HERC2: variants seen among roughly 807,000 people sequenced by gnomAD.
HERC2 encodes the protein E3 ubiquitin-protein ligase HERC2.
Under a neutral mutation model 537.7 loss-of-function variants are expected in HERC2, and 102 were observed. The observed-to-expected ratio is 0.19, with a 90% confidence interval of 0.16 to 0.22. HERC2 has a LOEUF of 0.22. Among genes scored for constraint, HERC2 ranks in the 10% least tolerant of loss-of-function variants. The probability of loss-of-function intolerance (pLI) is 1.00; values close to 1 mark genes in which losing one functional copy is unlikely to be tolerated. For synonymous variants in HERC2, 2,224 were observed against 2,466.2 expected, an observed-to-expected ratio of 0.90 and a Z score of 2.91; for missense variants, 4,236 against 6,198.2, an observed-to-expected ratio of 0.68 and a Z score of 10.63.
intron 20 of HERC2, among the ~76,000 whole-genome samples, chr15:28,253,235 T>A (rs931934630): frequency 1.2e-4 from 19 of 152,236 alleles, no homozygotes; most frequent in Non-Finnish European, 2.6e-4. Flanking sequence ...GACTCTGACT[T>A]CTTCTTCCCA....
chr15:28,122,195 T>C lies in HERC2; in HGVS notation c.13189-766A>G, dbSNP rs562609081. Reference sequence around the variant, plus strand: ...GAAGACAGCAGGGCGTGGCCAAACATCAGCACCACGGTGAGGACCCAGCCG... The same window carrying C: ...GAAGACAGCAGGGCGTGGCCAAACACCAGCACCACGGTGAGGACCCAGCCG... On this transcript the variant is annotated intron_variant, in intron 85 of 92. Transcript: ENST00000261609. The surrounding 1 kb of genome is among the most constrained non-coding windows in gnomAD (Gnocchi z 4.1). Among the ~76,000 whole-genome samples the C allele has an allele frequency of 6.6e-6, 1 of 152,170 alleles. No individual in the cohort carries two copies. The highest frequency in any genetic ancestry group is 2.4e-5 in the African/African-American group (1 of 41,522).
chr15:28,116,216 CTTTT>C (rs751814803), intron 88 of HERC2, among the ~76,000 whole-genome samples: 1 of 110,874 alleles, frequency 9.0e-6, no homozygotes, highest in Non-Finnish European at 1.9e-5. Context: ...AAAGTCTTTT[CTTTT>C]TCTTTTTTTT....
Position 28,111,756 on chromosome 15 carries a change from C to T in HERC2, c.*7G>A, listed in dbSNP as rs756113580. Reference sequence around the variant, plus strand: ...AGGCTCTCATCTCACGAGGACGTTTCCCCATCTTAGTGTCCTGTTAAATAA... The same window carrying T: ...AGGCTCTCATCTCACGAGGACGTTTTCCCATCTTAGTGTCCTGTTAAATAA... On this transcript the variant is annotated 3_prime_UTR_variant, in exon 93 of 93. Coordinates refer to ENST00000261609, the MANE Select transcript of HERC2 (RefSeq NM_004667.6). The T allele has an allele frequency of 6.2e-7, 1 of 1,611,878 alleles. No individual in the cohort carries two copies. The highest frequency in any genetic ancestry group is 8.5e-7 in the Non-Finnish European group (1 of 1,177,972).
chr15:28,138,639 G>A (rs550200249), intron 78 of HERC2, among the ~76,000 whole-genome samples: 26 of 152,310 alleles, frequency 1.7e-4, no homozygotes, highest in African/African-American at 5.3e-4. Flanking sequence ...GTACCTGGTC[G>A]CCCAAGAGCT....
At chr15:28,142,786 A>T in intron 75 of HERC2, 41 bp downstream of exon 75, 1 of 1,528,970 alleles carries the variant, frequency 6.5e-7, no homozygotes, top group South Asian at 1.2e-5. Flanking sequence ...CTTTCAGTCA[A>T]ATAGCTCTAT....
rs528035863 is a variant in HERC2 at position 28,216,991 on chromosome 15, A to C, written c.6029-1189T>G. On this transcript the variant is annotated intron_variant, in intron 38 of 92. Coordinates refer to ENST00000261609, the MANE Select transcript of HERC2 (RefSeq NM_004667.6). ...GTTATAACCTCCCATTCACTGACAC[A>C]AGCAAAATGCTCACATTCACTCACA... Among the ~76,000 whole-genome samples, 6 of 152,180 alleles carry C rather than the reference A, an allele frequency of 3.9e-5. No individual in the cohort carries two copies. In the East Asian group the frequency reaches 1.2e-3, roughly 29 times the overall value.
At chr15:28,245,604 C>T (rs564594214) in intron 23 of HERC2, among the ~76,000 whole-genome samples, 1 of 131,082 alleles carries the variant, frequency 7.6e-6, no homozygotes, top group African/African-American at 3.8e-5. Context: ...CACACACACA[C>T]AGATATATAT....
At chr15:28,253,179 A>ACTGT (rs60188219) in intron 20 of HERC2, among the ~76,000 whole-genome samples, 33,714 of 152,020 alleles carry the variant, frequency 0.22, 7,461 homozygotes, top group African/African-American at 0.56. Context: ...TTTACACAAC[A>ACTGT]CTGACCGTTT....
chr15:28,280,396 T>C, intron 4 of HERC2, 109 bp from the exon 5 acceptor site: 1 of 873,152 alleles, frequency 1.1e-6, no homozygotes, highest in Non-Finnish European at 1.8e-6. Context: ...AGGCATGATA[T>C]GTGGCAATAA....
intron 57 of HERC2, 105 bp downstream of exon 57, chr15:28,182,296 A>G: frequency 1.5e-6 from 1 of 660,280 alleles, no homozygotes; most frequent in Non-Finnish European, 2.6e-6. Context: ...AGTTCGTGTA[A>G]AGAAACAATA....
At chr15:28,115,742 C>CT (rs5811542) in intron 88 of HERC2, among the ~76,000 whole-genome samples, 129,077 of 152,200 alleles carry the variant, frequency 0.85, 58,229 homozygotes, top group Non-Finnish European at 0.99. Context: ...CTAAAAGCCT[C>CT]TAACTCTTCA....
intron 37 of HERC2, 95 bp downstream of exon 37, chr15:28,220,357 A>C: frequency 8.9e-7 from 1 of 1,127,334 alleles, no homozygotes. Flanking sequence ...GTGCGTCCTG[A>C]CATCCCATTC....
rs2075285124 is a variant in HERC2, at chr15:28,257,051, T to G, written c.2517+10A>C. 6.2e-7 allele frequency: 1 copy of G among 1,609,002 alleles called. No homozygotes were observed. Among genetic ancestry groups the G allele is most frequent in the East Asian group, 2.2e-5 (1 of 44,800 alleles). On this transcript the variant is annotated intron_variant, in intron 17 of 92. Coordinates refer to ENST00000261609, the MANE Select transcript of HERC2 (RefSeq NM_004667.6). ...ACAAAAGGAGGAAGAAGAAGGGAAA[T>G]CATGAATACCTGAAGTCGTAGAAGA...
intron 10 of HERC2, among the ~76,000 whole-genome samples, chr15:28,269,904 C>T (rs1182470223): frequency 6.6e-6 from 1 of 152,234 alleles, no homozygotes; most frequent in African/African-American, 2.4e-5. Flanking sequence ...CACACACGTG[C>T]ACACATGGAG....
At chr15:28,272,115 G>T in intron 9 of HERC2, 100 bp downstream of exon 9, 2 of 1,092,508 alleles carry the variant, frequency 1.8e-6, no homozygotes, top group Non-Finnish European at 2.6e-6. Flanking sequence ...ACACACACAC[G>T]CCAGAGAAAA....
intron 4 of HERC2, among the ~76,000 whole-genome samples, chr15:28,282,451 A>C (rs1367846276): frequency 6.6e-6 from 1 of 152,214 alleles, no homozygotes; most frequent in Non-Finnish European, 1.5e-5. Flanking sequence ...TAAATGAAAA[A>C]ATAGAAAGCC....
chr15:28,232,020 G>T lies in HERC2; in HGVS notation c.4675+1126C>A, dbSNP rs190385531. ...CCCAGGCTGAGTTCCTGCATGCCTG[G>T]GTTAAAGGAATCGCAGCAGTGTGAC... is the stretch of plus-strand genomic sequence containing the variant. On this transcript the variant is annotated intron_variant, in intron 30 of 92. Coordinates refer to ENST00000261609, the MANE Select transcript of HERC2 (RefSeq NM_004667.6). Among the ~76,000 whole-genome samples, 76 of 152,158 alleles carry T rather than the reference G, an allele frequency of 5.0e-4. No homozygotes were observed. The East Asian group carries it at 0.01, about 21-fold the overall frequency.
At chr15:28,282,412 T>C (rs2076042445) in intron 4 of HERC2, among the ~76,000 whole-genome samples, 1 of 151,432 alleles carries the variant, frequency 6.6e-6, no homozygotes, top group South Asian at 2.1e-4. Context: ...TAAAAAGGCT[T>C]CAACAAGCAA....
At chr15:28,301,930 G>C (rs1217805725) in intron 2 of HERC2, among the ~76,000 whole-genome samples, 5 of 150,608 alleles carry the variant, frequency 3.3e-5, no homozygotes, top group Admixed American at 6.6e-5. Flanking sequence ...CTCCAGAGTA[G>C]CTGGGACTAC....
Sources: gnomAD v4.1 joint callset for allele counts (sites outside exome capture counted in the v4.1 genomes callset) on GRCh38, gnomAD v4.1.1 for gene constraint, Gnocchi (gnomAD v3.1) non-coding constraint, MANE v1.5 for transcripts, NCBI Gene and HGNC (gene_info 2026-07-23, HGNC 2026-07-21) for gene names.